The following EYS variants were observed in gnomAD, a reference collection of about 807,000 sequenced individuals.
The protein encoded by EYS is EGF-like photoreceptor maintenance factor.
In EYS, 250 loss-of-function variants were observed where a neutral mutation model predicts 282.1. The ratio of observed to expected loss-of-function variants is 0.89; its 90% CI spans 0.80 to 0.98. The LOEUF (loss-of-function observed/expected upper bound fraction) is 0.98, where lower values mean the gene tolerates loss of function less well. EYS is among the 50% of genes least tolerant of loss of function. The pLI, the probability that EYS is intolerant of heterozygous loss-of-function variation, is 0.00. For missense variants in EYS, 4,016 were observed against 3,709.0 expected (o/e 1.08, Z -2.15); for synonymous variants, 1,355 against 1,282.9 (o/e 1.06, Z -1.20).
intron 28 of EYS, among the ~76,000 whole-genome samples, chr6:64,393,151 C>A (rs1447441585): frequency 6.6e-6 from 1 of 152,060 alleles, no homozygotes; most frequent in Non-Finnish European, 1.5e-5. Flanking sequence ...AGCTTACCAA[C>A]CAAAAAGAGT....
chr6:65,429,315 G>A (rs1767787547), intron 5 of EYS, among the ~76,000 whole-genome samples: 1 of 152,156 alleles, frequency 6.6e-6, no homozygotes, highest in African/African-American at 2.4e-5. Context: ...ATCCTCAAAC[G>A]TATTATAAAG....
intron 30 of EYS, among the ~76,000 whole-genome samples, chr6:64,291,956 A>G (rs1338064643): frequency 2.6e-5 from 4 of 152,150 alleles, no homozygotes; most frequent in African/African-American, 7.2e-5. Flanking sequence ...TGCTAAGTGC[A>G]TGGCTTATAC....
chr6:63,889,061 T>A (rs1039161051), intron 35 of EYS, among the ~76,000 whole-genome samples: 1 of 151,946 alleles, frequency 6.6e-6, no homozygotes, highest in African/African-American at 2.4e-5. Context: ...ATCAGTTTAA[T>A]GAGATAAAGT....
In EYS at chr6:65,120,163, A is replaced by C. The variant is rs1012787737; in HGVS notation, c.2024-62436T>G. 1.5e-4 allele frequency among the ~76,000 whole-genome samples: 22 copies of C among 150,526 alleles called. 1 individual carries two copies. Among genetic ancestry groups the C allele is most frequent in the African/African-American group, 5.1e-4 (21 of 41,056 alleles). On this transcript the variant is annotated intron_variant, in intron 12 of 42. Transcript: ENST00000503581. Reference sequence around the variant, plus strand: ...CGAGACTCCGTCTCAAAAAAAAAAAAAAACAAAAACAAATTTAAAAAAAAC... The same window carrying C: ...CGAGACTCCGTCTCAAAAAAAAAAACAAACAAAAACAAATTTAAAAAAAAC...
intron 26 of EYS, among the ~76,000 whole-genome samples, chr6:64,530,333 ATAACT>A (rs1438203236): frequency 2.0e-5 from 3 of 152,068 alleles, no homozygotes; most frequent in Admixed American, 2.0e-4. Flanking sequence ...AGATGTTAAT[ATAACT>A]TAAGTCTAAT....
intron 30 of EYS, among the ~76,000 whole-genome samples, chr6:64,294,953 A>C (rs1309773785): frequency 6.6e-6 from 1 of 152,152 alleles, no homozygotes; most frequent in Non-Finnish European, 1.5e-5. Flanking sequence ...GAGAAGCATG[A>C]GTCATTTTTG....
intron 2 of EYS, among the ~76,000 whole-genome samples, chr6:65,497,167 T>C (rs1180434622): frequency 6.6e-6 from 1 of 152,036 alleles, no homozygotes; most frequent in Non-Finnish European, 1.5e-5. Context: ...ACAAGTAAAT[T>C]TGAGCTCAAT....
intron 26 of EYS, among the ~76,000 whole-genome samples, chr6:64,491,423 C>G (rs1776737567): frequency 6.6e-6 from 1 of 150,836 alleles, no homozygotes; most frequent in South Asian, 2.1e-4. Context: ...AGGCAAGTTT[C>G]AATTCTAATA....
chr6:65,429,820 A>G (rs769188700), intron 5 of EYS, among the ~76,000 whole-genome samples: 5 of 107,742 alleles, frequency 4.6e-5, no homozygotes, highest in Admixed American at 2.2e-4. Context: ...AAATGAAGAA[A>G]ATAACACTTG....
At chr6:65,012,498 C>G (rs1341507130) in intron 13 of EYS, among the ~76,000 whole-genome samples, 6 of 152,104 alleles carry the variant, frequency 3.9e-5, no homozygotes, top group Non-Finnish European at 7.3e-5. Context: ...AGTCCTTGAA[C>G]TGCTTGGGTT....
chr6:63,775,045 A>G (rs866467891), intron 40 of EYS, among the ~76,000 whole-genome samples: 16 of 152,182 alleles, frequency 1.1e-4, no homozygotes, highest in African/African-American at 3.9e-4. Flanking sequence ...AAATAGTTTT[A>G]CATTTCTTTG....
intron 13 of EYS, among the ~76,000 whole-genome samples, chr6:65,019,536 C>A (rs1315354078): frequency 6.6e-6 from 1 of 152,174 alleles, no homozygotes; most frequent in Admixed American, 6.5e-5. Context: ...TAACATCACA[C>A]AACTCATAGG....
intron 12 of EYS, among the ~76,000 whole-genome samples, chr6:65,141,606 T>C (rs1003877108): frequency 6.6e-6 from 1 of 151,928 alleles, no homozygotes; most frequent in East Asian, 2.0e-4. Context: ...CACACATCTA[T>C]TCAAACTGAA....
At chr6:65,355,071 GA>G (rs1764428789) in intron 8 of EYS, among the ~76,000 whole-genome samples, 1 of 151,980 alleles carries the variant, frequency 6.6e-6, no homozygotes, top group Non-Finnish European at 1.5e-5. Context: ...TAGAAAATAT[GA>G]AGGCCTAATG....
At chr6:64,936,552 T>G (rs1003245619) in intron 15 of EYS, among the ~76,000 whole-genome samples, 5 of 151,466 alleles carry the variant, frequency 3.3e-5, no homozygotes, top group Admixed American at 2.6e-4. Context: ...CCAAAAATTA[T>G]TATAACTAAT....
At chr6:65,639,523 T>C (rs1014808537) in intron 2 of EYS, among the ~76,000 whole-genome samples, 1 of 152,104 alleles carries the variant, frequency 6.6e-6, no homozygotes, top group African/African-American at 2.4e-5. Context: ...ACACCAACAA[T>C]GTGAAAACCC....
chr6:65,543,982 T>C (rs1582437008), intron 2 of EYS, among the ~76,000 whole-genome samples: 1 of 138,276 alleles, frequency 7.2e-6, no homozygotes, highest in Admixed American at 7.3e-5. Flanking sequence ...ACTTTCCCAC[T>C]TATTACTGAA....
intron 1 of EYS, among the ~76,000 whole-genome samples, chr6:65,673,717 A>T (rs1768480445): frequency 6.6e-6 from 1 of 151,994 alleles, no homozygotes; most frequent in Non-Finnish European, 1.5e-5. Context: ...GGGTGATTTG[A>T]TTAATAAAGG....
intron 14 of EYS, among the ~76,000 whole-genome samples, chr6:64,948,475 TTAA>T (rs1275438209): frequency 6.8e-6 from 1 of 146,568 alleles, no homozygotes; most frequent in Non-Finnish European, 1.5e-5. Flanking sequence ...ATATTAAATA[TTAA>T]TAACTATTAA....
Sources: allele counts gnomAD v4.1 joint callset (sites outside exome capture counted in the v4.1 genomes callset), GRCh38; gene constraint gnomAD v4.1.1; transcripts MANE v1.5; gene names NCBI Gene and HGNC (gene_info 2026-07-23, HGNC 2026-07-21).